DNAJC5: variants seen among roughly 807,000 people sequenced by gnomAD.
DNAJC5 encodes the protein dnaJ homolog subfamily C member 5.
A neutral mutation model predicts 23.2 loss-of-function variants in DNAJC5; 1 was observed. That is an observed-to-expected ratio of 0.04 (90% CI 0.02 to 0.20). The LOEUF is 0.20. Among genes scored for constraint, DNAJC5 ranks in the 10% least tolerant of loss-of-function variants. The probability of loss-of-function intolerance (pLI) is 1.00; values close to 1 mark genes in which losing one functional copy is unlikely to be tolerated. For missense variants in DNAJC5, 180 were observed against 267.0 expected (o/e 0.67, Z 2.27); for synonymous variants, 136 against 120.0 (o/e 1.13, Z -0.87).
intron 1 of DNAJC5, among the ~76,000 whole-genome samples, chr20:63,898,378 C>G (rs564587575): frequency 1.3e-5 from 2 of 152,172 alleles, no homozygotes; most frequent in African/African-American, 2.4e-5. Context: ...TGCAGGTAAA[C>G]TGTAACAGCA....
chr20:63,925,536 G>A (rs1437742260), intron 1 of DNAJC5, among the ~76,000 whole-genome samples: 1 of 151,812 alleles, frequency 6.6e-6, no homozygotes. Flanking sequence ...GAAGGATGGG[G>A]ATCAATCAGA....
rs1054960416 is a variant in DNAJC5, at chr20:63,935,947, A to G, written c.*4379A>G. The G allele has an allele frequency of 7.2e-5, 11 of 152,156 alleles. No individual in the cohort carries two copies. The highest frequency in any genetic ancestry group is 2.4e-4 in the African/African-American group (10 of 41,430). The allele number at this position is 152,156 out of a possible 1,614,324, so 9.4% of individuals were successfully genotyped here. ...CATCTAAGGGCCAGGCTGGTTCCGC[A>G]TGGTGATCTCCGTCTTGTATGTCTG... On this transcript the variant is annotated 3_prime_UTR_variant, in exon 5 of 5. Transcript: ENST00000360864.
At chr20:63,898,120 G>A (rs7261678) in intron 1 of DNAJC5, among the ~76,000 whole-genome samples, 1 of 152,168 alleles carries the variant, frequency 6.6e-6, no homozygotes, top group African/African-American at 2.4e-5. Context: ...CTCTAGACCA[G>A]GTTTCTTCTA....
In DNAJC5 at chr20:63,932,455, C is replaced by T. The variant is rs551572805; in HGVS notation, c.*887C>T. 1 of 153,024 alleles carries T rather than the reference C, an allele frequency of 6.5e-6. No individual in the cohort carries two copies. The highest frequency in any genetic ancestry group is 2.1e-4 in the South Asian group (1 of 4,820). The allele number at this position is 153,024 out of a possible 1,614,324, so 9.5% of individuals were successfully genotyped here. ...TTGAGGTCGTTCTCCACATTCCTTC[C>T]AGCACACCTGTCCTTTCCATAGCCC... is the stretch of plus-strand genomic sequence containing the variant. On this transcript the variant is annotated 3_prime_UTR_variant, in exon 5 of 5. Coordinates refer to ENST00000360864, the MANE Select transcript of DNAJC5 (RefSeq NM_025219.3). The surrounding 1 kb of genome is among the most constrained non-coding windows in gnomAD (Gnocchi z 4.4).
intron 1 of DNAJC5, among the ~76,000 whole-genome samples, chr20:63,896,203 CA>C (rs2053374455): frequency 6.6e-6 from 1 of 152,188 alleles, no homozygotes; most frequent in African/African-American, 2.4e-5. Flanking sequence ...TACCTGAAGG[CA>C]AAAGTTTACT....
intron 1 of DNAJC5, among the ~76,000 whole-genome samples, chr20:63,899,730 C>T (rs1400709318): frequency 1.3e-5 from 2 of 150,568 alleles, no homozygotes; most frequent in South Asian, 2.1e-4. Context: ...TACAGGCGGT[C>T]GCCACCACGC....
chr20:63,903,868 T>C (rs1031377550), intron 1 of DNAJC5, among the ~76,000 whole-genome samples: 7 of 152,032 alleles, frequency 4.6e-5, no homozygotes, highest in African/African-American at 1.7e-4. Flanking sequence ...GATAGATCTC[T>C]CGAGTTCAGG....
At chr20:63,898,905 A>G (rs1343250123) in intron 1 of DNAJC5, among the ~76,000 whole-genome samples, 5 of 152,172 alleles carry the variant, frequency 3.3e-5, no homozygotes, top group Non-Finnish European at 7.3e-5. Context: ...TTCTGATTAG[A>G]ACGTTCTCGT....
rs1568989668 is a variant in DNAJC5, at chr20:63,929,736, A to AGTCACTCCTGCCGTGCGGGCG, written c.321+211_321+212insGTCACTCCTGCCGTGCGGGCG. On this transcript the variant is annotated intron_variant, in intron 3 of 4. Transcript: ENST00000360864. This position sits in a 1 kb window ranked among gnomAD's most constrained non-coding sequence, Gnocchi z 8.6. ...CCCGAGTCACTCCTGCCGTGCGGGC[A>AGTCACTCCTGCCGTGCGGGCG]CCCGAGTCTCTCCTGCCATGTGGGC... 5.8e-3 allele frequency among the ~76,000 whole-genome samples: 728 copies of AGTCACTCCTGCCGTGCGGGCG among 124,544 alleles called. 27 individuals carry two copies. The highest frequency in any genetic ancestry group is 0.025 in the African/African-American group (692 of 27,702). The allele number at this position is 124,544 out of a possible 152,430, so 81.7% of individuals were successfully genotyped here. A position where few individuals can be genotyped will look rare whatever the true frequency, so the allele number is the denominator to read the frequency against.
Position 63,903,983 on chromosome 20 carries a change from G to C in DNAJC5, c.-12+8660G>C, listed in dbSNP as rs1352717014. 1.3e-5 allele frequency among the ~76,000 whole-genome samples: 2 copies of C among 152,164 alleles called. 1 individual carries two copies. Among genetic ancestry groups the C allele is most frequent in the South Asian group, 4.1e-4 (2 of 4,826 alleles). On this transcript the variant is annotated intron_variant, in intron 1 of 4. Transcript: ENST00000360864. ...TGCCTGTGGTCCCAGCTACTCGAGA[G>C]GCTGAGGTCAGGCTGAGGTGGGAGG...
intron 1 of DNAJC5, among the ~76,000 whole-genome samples, chr20:63,899,125 C>A (rs2053393112): frequency 1.3e-5 from 2 of 152,174 alleles, no homozygotes; most frequent in Admixed American, 6.5e-5. Context: ...TCCCCTGCGT[C>A]CTGCTGGGAG....
chr20:63,895,393 G>T (rs1272915238), intron 1 of DNAJC5, 70 bp downstream of exon 1: 1 of 147,182 alleles, frequency 6.8e-6, no homozygotes, highest in African/African-American at 2.4e-5. Context: ...GGGCGGGCGC[G>T]GGTGGGGGGC....
chr20:63,916,496 G>C (rs1255907433), intron 1 of DNAJC5, among the ~76,000 whole-genome samples: 1 of 152,160 alleles, frequency 6.6e-6, no homozygotes, highest in Non-Finnish European at 1.5e-5. Flanking sequence ...ATGCTTCAAA[G>C]GGCAAAAAGG....
At chr20:63,897,571 TAAATAAAAATAAATA>T (rs2146267012) in intron 1 of DNAJC5, among the ~76,000 whole-genome samples, 2 of 152,128 alleles carry the variant, frequency 1.3e-5, no homozygotes, top group South Asian at 2.1e-4. Context: ...CAGTCTCAAA[TAAATAAAAATAAATA>T]AAAAGTCAGA....
At chr20:63,927,325 C>T (rs986332730) in intron 1 of DNAJC5, among the ~76,000 whole-genome samples, 20 of 152,104 alleles carry the variant, frequency 1.3e-4, no homozygotes, top group African/African-American at 4.8e-4. Flanking sequence ...AGCCTGAGGT[C>T]GGGAATTCAA....
rs2295439 is a variant in DNAJC5, at chr20:63,929,739, C to T, written c.321+214C>T. Among the ~76,000 whole-genome samples, 59 of 152,174 alleles carry T rather than the reference C, an allele frequency of 3.9e-4. No individual in the cohort carries two copies. The East Asian group carries it at 9.8e-3, about 25-fold the overall frequency. ...GAGTCACTCCTGCCGTGCGGGCACC[C>T]GAGTCTCTCCTGCCATGTGGGCACC... On this transcript the variant is annotated intron_variant, in intron 3 of 4. Transcript: ENST00000360864. This position sits in a 1 kb window ranked among gnomAD's most constrained non-coding sequence, Gnocchi z 8.6.
chr20:63,908,741 A>G (rs913541909), intron 1 of DNAJC5, among the ~76,000 whole-genome samples: 3 of 152,172 alleles, frequency 2.0e-5, no homozygotes, highest in African/African-American at 7.2e-5. Flanking sequence ...TCCAGGCTAT[A>G]GGGAGCTGTG....
intron 1 of DNAJC5, chr20:63,919,441 C>A (rs113134709): frequency 2.0e-6 from 1 of 504,146 alleles, no homozygotes; most frequent in Admixed American, 2.0e-5. Flanking sequence ...AGAGGACACA[C>A]CCGGCTGTGT....
rs369210127 is a variant in DNAJC5, at chr20:63,935,912, C to T, written c.*4344C>T. ...TGTCAGACTCCGGCTGATCCTGGCT[C>T]GAGCACACACATCTAAGGGCCAGGC... is the stretch of plus-strand genomic sequence containing the variant. On this transcript the variant is annotated 3_prime_UTR_variant, in exon 5 of 5. Coordinates refer to ENST00000360864, the MANE Select transcript of DNAJC5 (RefSeq NM_025219.3). 6.6e-6 allele frequency: 1 copy of T among 152,214 alleles called. No individual in the cohort carries two copies. Among genetic ancestry groups the T allele is most frequent in the Non-Finnish European group, 1.5e-5 (1 of 68,042 alleles). 9.4% of individuals were successfully genotyped at this position (152,214 alleles called of 1,614,324 possible).
Sources: gnomAD v4.1 joint callset for allele counts (sites outside exome capture counted in the v4.1 genomes callset) on GRCh38, gnomAD v4.1.1 for gene constraint, Gnocchi (gnomAD v3.1) non-coding constraint, MANE v1.5 for transcripts, NCBI Gene and HGNC (gene_info 2026-07-23, HGNC 2026-07-21) for gene names.